The following ITPR1 variants were observed in gnomAD, a reference collection of about 807,000 sequenced individuals.
ITPR1 encodes the protein inositol 1,4,5-trisphosphate-gated calcium channel ITPR1.
Under a neutral mutation model 318.4 loss-of-function variants are expected in ITPR1, and 96 were observed. The observed-to-expected ratio is 0.30, with a 90% CI of 0.26 to 0.36. The LOEUF is 0.36. ITPR1 is among the 10% of genes least tolerant of loss of function. The pLI is 1.00. For missense variants in ITPR1, 2,440 were observed against 3,460.2 expected (o/e 0.71, Z 7.40); for synonymous variants, 1,312 against 1,289.9 (o/e 1.02, Z -0.37).
intron 24 of ITPR1, among the ~76,000 whole-genome samples, chr3:4,677,262 G>T (rs2094203759): frequency 6.6e-6 from 1 of 152,038 alleles, no homozygotes; most frequent in Non-Finnish European, 1.5e-5. Flanking sequence ...GTCCAGCAAT[G>T]AAAAAAATAG....
intron 61 of ITPR1, among the ~76,000 whole-genome samples, chr3:4,844,392 G>A (rs1369132909): frequency 6.6e-6 from 1 of 152,156 alleles, no homozygotes; most frequent in African/African-American, 2.4e-5. Context: ...CCCAAGTGGT[G>A]GGATTACAGG....
At chr3:4,664,424 A>G (rs1024070055) in intron 16 of ITPR1, among the ~76,000 whole-genome samples, 4 of 152,250 alleles carry the variant, frequency 2.6e-5, no homozygotes, top group African/African-American at 7.2e-5. Flanking sequence ...CACCAAAGCT[A>G]AAAGAGAAAC....
intron 33 of ITPR1, among the ~76,000 whole-genome samples, chr3:4,696,802 G>A (rs754355385): frequency 2.7e-5 from 4 of 150,832 alleles, no homozygotes; most frequent in African/African-American, 7.3e-5. Flanking sequence ...ATTGTTACAC[G>A]CCTTGCAGAT....
intron 42 of ITPR1, among the ~76,000 whole-genome samples, chr3:4,732,810 GTTAGT>G (rs1559793218): frequency 1.3e-5 from 2 of 152,100 alleles, no homozygotes. Flanking sequence ...GTTTGTTATT[GTTAGT>G]TGTCCTTCAA....
chr3:4,786,455 G>C (rs4685819), intron 51 of ITPR1, among the ~76,000 whole-genome samples: 3 of 152,068 alleles, frequency 2.0e-5, no homozygotes, highest in Non-Finnish European at 4.4e-5. Flanking sequence ...TCCCACTACA[G>C]CTTGACCTGA....
chr3:4,514,291 TG>T (rs2082037149), intron 2 of ITPR1, among the ~76,000 whole-genome samples: 1 of 152,202 alleles, frequency 6.6e-6, no homozygotes, highest in Non-Finnish European at 1.5e-5. Context: ...AGCACAATGG[TG>T]GGCATGAGAA....
At chr3:4,731,189 G>A (rs1317537999) in intron 42 of ITPR1, among the ~76,000 whole-genome samples, 1 of 152,066 alleles carries the variant, frequency 6.6e-6, no homozygotes, top group Non-Finnish European at 1.5e-5. Flanking sequence ...CTTCTCTTAT[G>A]AAGTCAGCCT....
chr3:4,836,707 T>C (rs2050945077), intron 60 of ITPR1, 67 bp from the exon 61 acceptor site: 1 of 1,274,058 alleles, frequency 7.8e-7, no homozygotes, highest in Non-Finnish European at 1.0e-6. Context: ...CTGGCCTTTC[T>C]TGTTTTTACC....
chr3:4,632,342 CTA>C (rs1339237157), intron 5 of ITPR1, among the ~76,000 whole-genome samples: 4 of 152,180 alleles, frequency 2.6e-5, no homozygotes. Context: ...CTTTCCTCTC[CTA>C]TACTTTTTAC....
At chr3:4,556,724 A>G (rs976745995) in intron 4 of ITPR1, among the ~76,000 whole-genome samples, 2 of 152,162 alleles carry the variant, frequency 1.3e-5, no homozygotes, top group Non-Finnish European at 2.9e-5. Flanking sequence ...ACTGAAAGAT[A>G]TGTTGGTTGC....
chr3:4,557,492 C>G (rs971624588), intron 4 of ITPR1, among the ~76,000 whole-genome samples: 44 of 152,248 alleles, frequency 2.9e-4, no homozygotes, highest in African/African-American at 8.7e-4. Flanking sequence ...CACCACCCCC[C>G]ACTTTTTTTT....
At chr3:4,795,279 A>G in intron 53 of ITPR1, 92 bp downstream of exon 53, 1 of 1,179,336 alleles carries the variant, frequency 8.5e-7, no homozygotes, top group Non-Finnish European at 1.2e-6. Flanking sequence ...GTATTGGTGC[A>G]GTACTGGGGA....
At chr3:4,571,126 T>C (rs2087931721) in intron 4 of ITPR1, among the ~76,000 whole-genome samples, 1 of 152,164 alleles carries the variant, frequency 6.6e-6, no homozygotes, top group African/African-American at 2.4e-5. Context: ...GACCAAAGCA[T>C]GTCTCTTTGG....
At chr3:4,657,624 C>T (rs1178325086) in intron 12 of ITPR1, among the ~76,000 whole-genome samples, 6 of 151,944 alleles carry the variant, frequency 3.9e-5, no homozygotes, top group South Asian at 2.1e-4. Flanking sequence ...CCTGCCACCA[C>T]GCCCAGCTAA....
Position 4,792,266 on chromosome 3 carries a change from T to C in ITPR1, c.6809-2799T>C, listed in dbSNP as rs551124458. Among the ~76,000 whole-genome samples, 5 of 152,344 alleles carry C rather than the reference T, an allele frequency of 3.3e-5. No individual in the cohort carries two copies. The South Asian group carries it at 1.0e-3, about 32-fold the overall frequency. On this transcript the variant is annotated intron_variant, in intron 52 of 61. Coordinates refer to ENST00000649015, the MANE Select transcript of ITPR1 (RefSeq NM_001378452.1). Reference sequence around the variant, plus strand: ...CTAATCATACCTGCAAAGCCCCTTTTGCTAGGTTAGGTAGCACATTCACAA... The same window carrying C: ...CTAATCATACCTGCAAAGCCCCTTTCGCTAGGTTAGGTAGCACATTCACAA...
chr3:4,780,893 G>A (rs2046787497), intron 49 of ITPR1, among the ~76,000 whole-genome samples: 2 of 152,336 alleles, frequency 1.3e-5, no homozygotes, highest in Admixed American at 1.3e-4. Flanking sequence ...TGGGGAAAAT[G>A]TCAACACCCA....
intron 46 of ITPR1, among the ~76,000 whole-genome samples, chr3:4,771,178 A>G (rs1194924896): frequency 6.6e-6 from 1 of 152,132 alleles, no homozygotes; most frequent in Non-Finnish European, 1.5e-5. Flanking sequence ...TGTGCCCAGC[A>G]CCCATGGTGA....
intron 4 of ITPR1, among the ~76,000 whole-genome samples, chr3:4,617,988 CAA>C (rs71053433): frequency 9.3e-4 from 122 of 131,744 alleles, no homozygotes; most frequent in Middle Eastern, 3.7e-3. Flanking sequence ...GTGCGTATCT[CAA>C]AAAAAAAAAA....
chr3:4,639,247 A>G, intron 5 of ITPR1, 137 bp from the exon 6 acceptor site: 3 of 642,766 alleles, frequency 4.7e-6, no homozygotes, highest in Non-Finnish European at 8.1e-6. Flanking sequence ...CATTTCTTGA[A>G]GCCTCAGGGT....
Sources: gnomAD v4.1 joint callset for allele counts (sites outside exome capture counted in the v4.1 genomes callset) on GRCh38, gnomAD v4.1.1 for gene constraint, MANE v1.5 for transcripts, NCBI Gene and HGNC (gene_info 2026-07-23, HGNC 2026-07-21) for gene names.